The following CDH13 variants were observed in gnomAD, a reference collection of about 807,000 sequenced individuals.
The protein encoded by CDH13 is cadherin-13.
In CDH13, 24 loss-of-function variants were observed where a neutral mutation model predicts 63.8. That is an observed-to-expected ratio of 0.38 (90% CI 0.27 to 0.53). The LOEUF (loss-of-function observed/expected upper bound fraction) is 0.53, where lower values mean the gene tolerates loss of function less well. Among genes scored for constraint, CDH13 ranks in the 20% least tolerant of loss-of-function variants. The pLI is 0.85. For missense variants in CDH13, 1,049 were observed against 903.1 expected (o/e 1.16, Z -2.07); for synonymous variants, 503 against 355.3 (o/e 1.42, Z -4.67).
At chr16:82,818,114 T>TTGTGTGTGTGTGTGTGTG (rs5818411) in intron 1 of CDH13, among the ~76,000 whole-genome samples, 2 of 149,258 alleles carry the variant, frequency 1.3e-5, no homozygotes, top group Admixed American at 6.7e-5. Flanking sequence ...ACATGTATGG[T>TTGTGTGTGTGTGTGTGTG]TGTGTGTGTG....
chr16:83,118,647 C>T (rs955036646), intron 3 of CDH13, among the ~76,000 whole-genome samples: 2 of 152,120 alleles, frequency 1.3e-5, no homozygotes, highest in Non-Finnish European at 2.9e-5. Flanking sequence ...ATTTTTCTAC[C>T]GTTTCTGCAG....
chr16:82,844,517 C>A (rs987364831), intron 1 of CDH13: 1 of 149,008 alleles, frequency 6.7e-6, no homozygotes, highest in Non-Finnish European at 1.5e-5. Flanking sequence ...AGGAGAATGG[C>A]GTGAACCCGG....
chr16:83,050,806 C>G (rs144355695), intron 3 of CDH13, among the ~76,000 whole-genome samples: 2 of 152,270 alleles, frequency 1.3e-5, no homozygotes, highest in Non-Finnish European at 2.9e-5. Context: ...CTCATTACCT[C>G]ATTACTTCCT....
At chr16:83,333,335 G>T (rs1362083135) in intron 5 of CDH13, among the ~76,000 whole-genome samples, 1 of 152,112 alleles carries the variant, frequency 6.6e-6, no homozygotes, top group Non-Finnish European at 1.5e-5. Flanking sequence ...CTAGTATACT[G>T]CATCCACATT....
chr16:83,343,398 C>T (rs527727423), intron 5 of CDH13, among the ~76,000 whole-genome samples: 1 of 152,194 alleles, frequency 6.6e-6, no homozygotes, highest in Non-Finnish European at 1.5e-5. Flanking sequence ...GATGTTCAGG[C>T]AGATGCCAGT....
chr16:82,911,493 G>T (rs1310202666), intron 2 of CDH13, among the ~76,000 whole-genome samples: 1 of 152,148 alleles, frequency 6.6e-6, no homozygotes, highest in African/African-American at 2.4e-5. Flanking sequence ...GTTGCCTCCT[G>T]CCTGCTGTAC....
chr16:83,744,503 G>T (rs962260285), intron 10 of CDH13, among the ~76,000 whole-genome samples: 2 of 151,968 alleles, frequency 1.3e-5, no homozygotes, highest in Admixed American at 6.5e-5. Flanking sequence ...GAAGCCCTGC[G>T]TTCGCCTCAT....
At chr16:82,771,956 A>G (rs2035285909) in intron 1 of CDH13, among the ~76,000 whole-genome samples, 1 of 152,218 alleles carries the variant, frequency 6.6e-6, no homozygotes, top group Admixed American at 6.5e-5. Flanking sequence ...GTCCTTGGTT[A>G]AAGGCTGCTG....
At chr16:83,735,080 T>C (rs1332656668) in intron 10 of CDH13, among the ~76,000 whole-genome samples, 1 of 151,638 alleles carries the variant, frequency 6.6e-6, no homozygotes, top group Admixed American at 6.6e-5. Context: ...TGAATAGAAG[T>C]TTGTTTATAA....
At chr16:83,742,186 G>A (rs1003612188) in intron 10 of CDH13, among the ~76,000 whole-genome samples, 1 of 152,190 alleles carries the variant, frequency 6.6e-6, no homozygotes, top group African/African-American at 2.4e-5. Flanking sequence ...AGCTGGCCCT[G>A]GCCACTTGCC....
chr16:82,658,894 T>A (rs1269252997), intron 1 of CDH13, among the ~76,000 whole-genome samples: 1 of 152,228 alleles, frequency 6.6e-6, no homozygotes, highest in Non-Finnish European at 1.5e-5. Flanking sequence ...ACACTTGATA[T>A]TCAGATAAAA....
chr16:83,779,920 C>G (rs1915401750), intron 11 of CDH13, 48 bp from the exon 12 acceptor site: 1 of 1,263,456 alleles, frequency 7.9e-7, no homozygotes, highest in African/African-American at 1.5e-5. Context: ...TGGTAAATTG[C>G]TCTCGCATAT....
intron 1 of CDH13, among the ~76,000 whole-genome samples, chr16:82,813,624 A>C (rs967421585): frequency 1.3e-5 from 2 of 152,256 alleles, no homozygotes; most frequent in East Asian, 1.9e-4. Context: ...GTCTGTGGCT[A>C]TACAGACCCC....
chr16:82,806,213 G>A (rs1444088827), intron 1 of CDH13, among the ~76,000 whole-genome samples: 2 of 152,152 alleles, frequency 1.3e-5, no homozygotes, highest in East Asian at 1.9e-4. Flanking sequence ...GCAGCTCAGA[G>A]AGAAGACATG....
chr16:83,222,684 T>C (rs1002706215), intron 5 of CDH13, among the ~76,000 whole-genome samples: 5 of 151,982 alleles, frequency 3.3e-5, no homozygotes, highest in African/African-American at 1.2e-4. Context: ...TTGCTACCTT[T>C]CTTAGCCAGG....
At chr16:83,313,643 TAAA>T (rs59109363) in intron 5 of CDH13, among the ~76,000 whole-genome samples, 19 of 89,912 alleles carry the variant, frequency 2.1e-4, no homozygotes, top group African/African-American at 6.1e-4. Flanking sequence ...CTTACCATTG[TAAA>T]AAAAAAAAAA....
At chr16:83,479,790 T>A (rs1470610725) in intron 6 of CDH13, among the ~76,000 whole-genome samples, 2 of 152,160 alleles carry the variant, frequency 1.3e-5, no homozygotes, top group African/African-American at 2.4e-5. Flanking sequence ...GAGAGAGGGG[T>A]TTATCACATC....
At chr16:82,807,490 A>G (rs969296075) in intron 1 of CDH13, among the ~76,000 whole-genome samples, 2 of 152,134 alleles carry the variant, frequency 1.3e-5, no homozygotes, top group African/African-American at 4.8e-5. Context: ...ACAATTCCCA[A>G]CTGGAGTGGG....
intron 5 of CDH13, among the ~76,000 whole-genome samples, chr16:83,309,737 G>A (rs2089959803): frequency 6.6e-6 from 1 of 152,146 alleles, no homozygotes; most frequent in Non-Finnish European, 1.5e-5. Context: ...TCAGGGTATG[G>A]AAGCACTCAT....
Sources: allele counts gnomAD v4.1 joint callset (sites outside exome capture counted in the v4.1 genomes callset), GRCh38; gene constraint gnomAD v4.1.1; transcripts MANE v1.5; gene names NCBI Gene and HGNC (gene_info 2026-07-23, HGNC 2026-07-21).